Variants in POU2F2 observed in about 807,000 individuals in gnomAD.
The protein encoded by POU2F2 is POU class 2 homeobox 2.
A neutral mutation model predicts 63.5 loss-of-function variants in POU2F2; 14 were observed. The observed-to-expected ratio is 0.22, with a 90% confidence interval of 0.15 to 0.34. POU2F2 has a LOEUF of 0.34. Among genes scored for constraint, POU2F2 ranks in the 10% least tolerant of loss-of-function variants. The probability of loss-of-function intolerance (pLI) is 1.00; values close to 1 mark genes in which losing one functional copy is unlikely to be tolerated. For synonymous variants in POU2F2, 306 were observed against 348.6 expected (o/e 0.88, Z 1.36); for missense variants, 607 against 815.2 (o/e 0.74, Z 3.11).
chr19:42,196,704 C>G (rs1383344728), upstream of POU2F2: 2 of 152,430 alleles, frequency 1.3e-5, no homozygotes, highest in African/African-American at 2.4e-5. Context: ...GTCCCTCACC[C>G]CCCGCGCCTC....
chr19:42,109,281 A>G (rs2030678644), intron 5 of POU2F2, among the ~76,000 whole-genome samples: 1 of 152,162 alleles, frequency 6.6e-6, no homozygotes, highest in Non-Finnish European at 1.5e-5. Context: ...CGCCCCCATT[A>G]GAGGCCTCCA....
Position 42,117,508 on chromosome 19 carries a change from C to T in POU2F2, c.187-76G>A, listed in dbSNP as rs2032078058. The T allele has an allele frequency of 5.9e-6, 4 of 677,466 alleles. No homozygotes were observed. In the South Asian group the frequency reaches 7.1e-5, roughly 12 times the overall value. 42.0% of individuals were successfully genotyped at this position (677,466 alleles called of 1,614,324 possible). On this transcript the variant is annotated intron_variant, in intron 4 of 14. Coordinates refer to ENST00000692977, the MANE Select transcript of POU2F2 (RefSeq NM_001394376.1). The surrounding 1 kb of genome is among the most constrained non-coding windows in gnomAD (Gnocchi z 4.4). Reference sequence around the variant, plus strand: ...CAGGAGGAGCAGACTGGGGTGTGGACATGAGGGTGCAGTCTGTGGTCCTGC... The same window carrying T: ...CAGGAGGAGCAGACTGGGGTGTGGATATGAGGGTGCAGTCTGTGGTCCTGC...
chr19:42,158,246 A>G (rs2034493307), intron 2 of POU2F2, among the ~76,000 whole-genome samples: 1 of 152,206 alleles, frequency 6.6e-6, no homozygotes. Flanking sequence ...TCTAGTTTCT[A>G]TTGAAAAACC....
At chr19:42,119,314 G>T (rs150034699) in intron 4 of POU2F2, among the ~76,000 whole-genome samples, 47 of 152,260 alleles carry the variant, frequency 3.1e-4, no homozygotes, top group Non-Finnish European at 6.0e-4. Context: ...GTTTCTGAAA[G>T]TTCACAGAGT....
At chr19:42,102,148 A>G (rs2077169484) in intron 5 of POU2F2, among the ~76,000 whole-genome samples, 2 of 152,198 alleles carry the variant, frequency 1.3e-5, no homozygotes, top group South Asian at 4.1e-4. Context: ...AGCGCGCACA[A>G]CAGTAGAATG....
chr19:42,168,124 G>T (rs1256021336), intron 1 of POU2F2, among the ~76,000 whole-genome samples: 1 of 152,216 alleles, frequency 6.6e-6, no homozygotes, highest in Non-Finnish European at 1.5e-5. Flanking sequence ...GGGGAAGGTA[G>T]TTCTGTACCA....
rs78987433 is a variant in POU2F2 at position 42,113,307 on chromosome 19, T to C, written c.369+3943A>G. Among the ~76,000 whole-genome samples the C allele has an allele frequency of 1.8e-3, 267 of 152,344 alleles. 1 individual carries two copies. Among genetic ancestry groups the C allele is most frequent in the African/African-American group, 6.2e-3 (259 of 41,570 alleles). Reference sequence around the variant, plus strand: ...GGAGAGATATCTCTCCTATCCTTGATTGAAAATCTGCCGCAAAACATCCCT... The same window carrying C: ...GGAGAGATATCTCTCCTATCCTTGACTGAAAATCTGCCGCAAAACATCCCT... On this transcript the variant is annotated intron_variant, in intron 5 of 14. Transcript: ENST00000692977.
In POU2F2 at chr19:42,092,212, A is replaced by ACCCCCT; in HGVS notation, c.1317_1322dup (p.Gly445_Gly446dup). 1 of 1,533,486 alleles carries ACCCCCT rather than the reference A, an allele frequency of 6.5e-7. No homozygotes were observed. The allele number at this position is 1,533,486 out of a possible 1,614,324, so 95.0% of individuals were successfully genotyped here. ...GGGGCGCAGCCCCGCCCCCGCCCCCACCCCCTCCAGCTGTCCGGCTGGGGT... is the reference window on the plus strand; with the variant it reads ...GGGGCGCAGCCCCGCCCCCGCCCCCACCCCCTCCCCCTCCAGCTGTCCGGCTGGGGT... On this transcript the variant is annotated inframe_insertion, in exon 13 of 15. Coordinates refer to ENST00000692977, the MANE Select transcript of POU2F2 (RefSeq NM_001394376.1). This position sits in a 1 kb window ranked among gnomAD's most constrained non-coding sequence, Gnocchi z 5.0.
chr19:42,151,746 C>G (rs935642579), intron 2 of POU2F2, among the ~76,000 whole-genome samples: 1 of 152,182 alleles, frequency 6.6e-6, no homozygotes, highest in Non-Finnish European at 1.5e-5. Context: ...TGCCCTCCCC[C>G]ACCCAGGTCA....
intron 2 of POU2F2, among the ~76,000 whole-genome samples, chr19:42,140,531 G>A (rs1230846721): frequency 6.6e-6 from 1 of 151,986 alleles, no homozygotes; most frequent in African/African-American, 2.4e-5. Flanking sequence ...CTTCAACCTT[G>A]CCAGCCCCCT....
upstream of POU2F2, among the ~76,000 whole-genome samples, chr19:42,197,460 A>G (rs1233631021): frequency 6.6e-6 from 1 of 152,144 alleles, no homozygotes; most frequent in African/African-American, 2.4e-5. Context: ...CCCCTCCTGC[A>G]CATCAAGACG....
In POU2F2 at chr19:42,088,816, C is replaced by T. The variant is rs2076627141; in HGVS notation, c.*2441G>A. ...CGGTGAGGTTGGGTAGACGAGGTGCCAGGCCCCATCGTGCCGGGGTGGGAG... is the reference window on the plus strand; with the variant it reads ...CGGTGAGGTTGGGTAGACGAGGTGCTAGGCCCCATCGTGCCGGGGTGGGAG... On this transcript the variant is annotated 3_prime_UTR_variant, in exon 15 of 15. Coordinates refer to ENST00000692977, the MANE Select transcript of POU2F2 (RefSeq NM_001394376.1). 1 of 152,630 alleles carries T rather than the reference C, an allele frequency of 6.6e-6. No individual in the cohort carries two copies. Among genetic ancestry groups the T allele is most frequent in the South Asian group, 2.1e-4 (1 of 4,822 alleles). The allele number at this position is 152,630 out of a possible 1,614,324, so 9.5% of individuals were successfully genotyped here.
At chr19:42,176,446 G>C (rs1332477287), upstream of POU2F2, among the ~76,000 whole-genome samples, 2 of 151,900 alleles carry the variant, frequency 1.3e-5, no homozygotes, top group African/African-American at 4.8e-5. Flanking sequence ...TCTAGTCTGC[G>C]CTCTTGACTC....
chr19:42,180,975 G>C (rs2034953823), upstream of POU2F2, among the ~76,000 whole-genome samples: 1 of 151,872 alleles, frequency 6.6e-6, no homozygotes, highest in Non-Finnish European at 1.5e-5. Flanking sequence ...CAAAAAACTT[G>C]GTTTGATATG....
Position 42,096,161 on chromosome 19 carries a change from T to C in POU2F2, c.650A>G (p.Glu217Gly). The C allele has an allele frequency of 6.2e-7, 1 of 1,613,194 alleles. No individual in the cohort carries two copies. Among genetic ancestry groups the C allele is most frequent in the Non-Finnish European group, 8.5e-7 (1 of 1,179,608 alleles). The change falls in exon 8 of 15, where the codon GAG (glutamate) becomes GGG (glycine). Residue 217 changes from glutamate (E) to glycine (G), a missense_variant. Transcript: ENST00000692977. This position sits in a 1 kb window ranked among gnomAD's most constrained non-coding sequence, Gnocchi z 4.1. ...PKCLEPPSHP[E>G]EPSDLEELEQ... Reference sequence around the variant, plus strand: ...CAGCTCCTCCAGATCACTGGGCTCCTCGGGGTGGGATGGTGGCTCCAAGCA... The same window carrying C: ...CAGCTCCTCCAGATCACTGGGCTCCCCGGGGTGGGATGGTGGCTCCAAGCA...
At chr19:42,191,621 G>A (rs189863053) in intron 1 of POU2F2, among the ~76,000 whole-genome samples, 43 of 152,328 alleles carry the variant, frequency 2.8e-4, no homozygotes, top group Admixed American at 2.8e-3. Context: ...GGTCCAATAT[G>A]AGACTCTGGC....
At chr19:42,177,005 A>AAGCGC (rs1365932268), upstream of POU2F2, 10 of 149,552 alleles carry the variant, frequency 6.7e-5, no homozygotes, top group South Asian at 4.2e-4. Context: ...ATGGAAGGGC[A>AAGCGC]AGCGCGGCGC....
chr19:42,098,565 A>T (rs1195375474), intron 7 of POU2F2, among the ~76,000 whole-genome samples: 2 of 152,148 alleles, frequency 1.3e-5, no homozygotes, highest in Non-Finnish European at 2.9e-5. Flanking sequence ...CCATACCAAG[A>T]GGGACAAAGA....
chr19:42,174,925 C>T (rs1342124775), intron 1 of POU2F2, among the ~76,000 whole-genome samples: 1 of 152,184 alleles, frequency 6.6e-6, no homozygotes, highest in Non-Finnish European at 1.5e-5. Flanking sequence ...ACTCCACAGG[C>T]CCCAGGAAGG....
Sources: gnomAD v4.1 joint callset for allele counts (sites outside exome capture counted in the v4.1 genomes callset) on GRCh38, gnomAD v4.1.1 for gene constraint, Gnocchi (gnomAD v3.1) non-coding constraint, MANE v1.5 for transcripts, NCBI Gene and HGNC (gene_info 2026-07-23, HGNC 2026-07-21) for gene names.